Variants in CCL28 observed in about 807,000 individuals in gnomAD.
The protein encoded by CCL28 is C-C motif chemokine 28.
In CCL28, 4 loss-of-function variants were observed where a neutral mutation model predicts 7.1. The observed-to-expected ratio is 0.56, with a 90% CI of 0.28 to 1.29. CCL28 has a LOEUF of 1.29. CCL28 is among the 50% of genes most tolerant of loss of function. CCL28 has a pLI of 0.11. For synonymous variants in CCL28, 55 were observed against 57.8 expected, an observed-to-expected ratio of 0.95 and a Z score of 0.22; for missense variants, 151 against 163.4, an observed-to-expected ratio of 0.92 and a Z score of 0.41.
At chr5:43,406,545 G>T (rs993893971) in intron 1 of CCL28, among the ~76,000 whole-genome samples, 8 of 152,086 alleles carry the variant, frequency 5.3e-5, no homozygotes, top group Non-Finnish European at 8.8e-5. Context: ...AATATCATAC[G>T]GAATGGGCAA....
chr5:43,363,874 C>A, the CCL28 span, among the ~76,000 whole-genome samples: 5 of 152,154 alleles, frequency 3.3e-5, no homozygotes, highest in Non-Finnish European at 7.3e-5. Flanking sequence ...CTTATGGCAA[C>A]CTTTGGGTTT....
intron 1 of CCL28, 117 bp downstream of exon 1, chr5:43,412,136 T>C: frequency 1.5e-6 from 1 of 666,236 alleles, no homozygotes; most frequent in Non-Finnish European, 2.4e-6. Flanking sequence ...CAGAAATCAA[T>C]TGGAAATTCC....
intron 1 of CCL28, 100 bp from the exon 2 acceptor site, chr5:43,388,576 C>G: frequency 8.3e-7 from 1 of 1,198,748 alleles, no homozygotes; most frequent in Non-Finnish European, 1.2e-6. Context: ...TTAATCCACA[C>G]AAACAAGGGG....
Position 43,381,742 on chromosome 5 carries a change from A to G in CCL28, c.*118T>C, listed in dbSNP as rs1740123909. On this transcript the variant is annotated 3_prime_UTR_variant, in exon 3 of 3. Coordinates refer to ENST00000361115, the MANE Select transcript of CCL28 (RefSeq NM_148672.3). ...CCGCACAATTGTTCATTTTTTAAAA[A>G]CCAATATTTTGTTTTGTTCTGTTGT... The G allele has an allele frequency of 3.5e-6, 3 of 849,322 alleles. No homozygotes were observed. The highest frequency in any genetic ancestry group is 3.7e-5 in the South Asian group (2 of 54,490). 52.6% of individuals were successfully genotyped at this position (849,322 alleles called of 1,614,324 possible).
At position 43,380,374 on chromosome 5, in the gene CCL28, A is replaced by T. The variant is rs1300799003; in HGVS notation, c.*1486T>A. Reference sequence around the variant, plus strand: ...GTAGCTACTCAAACTAGACGTTTTGAAGTTATATTTAGTTTAAACTATTCT... The same window carrying T: ...GTAGCTACTCAAACTAGACGTTTTGTAGTTATATTTAGTTTAAACTATTCT... On this transcript the variant is annotated 3_prime_UTR_variant, in exon 3 of 3. Transcript: ENST00000361115. 2 of 152,208 alleles carry T rather than the reference A, an allele frequency of 1.3e-5. No individual in the cohort carries two copies. Among genetic ancestry groups the T allele is most frequent in the East Asian group, 1.9e-4 (1 of 5,206 alleles). 9.4% of individuals were successfully genotyped at this position (152,208 alleles called of 1,614,324 possible).
At chr5:43,365,904 G>A in the CCL28 span, among the ~76,000 whole-genome samples, 94,900 of 151,976 alleles carry the variant, frequency 0.62, 31,829 homozygotes, top group African/African-American at 0.87. Context: ...TTATTTCATT[G>A]AGTTGATCTT....
At chr5:43,359,415 C>G in the CCL28 span, among the ~76,000 whole-genome samples, 1 of 152,182 alleles carries the variant, frequency 6.6e-6, no homozygotes. Context: ...AGGAACATAT[C>G]CTTAAGGCAC....
intron 1 of CCL28, among the ~76,000 whole-genome samples, chr5:43,409,610 G>A (rs1219350471): frequency 1.3e-5 from 2 of 151,988 alleles, no homozygotes; most frequent in African/African-American, 4.8e-5. Context: ...AAAGGTAAAC[G>A]TTTTAGGATG....
At chr5:43,385,566 C>G (rs1400373371) in intron 2 of CCL28, among the ~76,000 whole-genome samples, 1 of 152,116 alleles carries the variant, frequency 6.6e-6, no homozygotes, top group East Asian at 1.9e-4. Flanking sequence ...CTAAACTAAT[C>G]TGAAAACAAG....
At chr5:43,362,383 T>G in the CCL28 span, among the ~76,000 whole-genome samples, 1 of 152,194 alleles carries the variant, frequency 6.6e-6, no homozygotes, top group Non-Finnish European at 1.5e-5. Flanking sequence ...AAGAAGCTTT[T>G]GGGCCAAGAC....
At chr5:43,386,419 A>G (rs1309016680) in intron 2 of CCL28, among the ~76,000 whole-genome samples, 3 of 152,166 alleles carry the variant, frequency 2.0e-5, no homozygotes, top group Non-Finnish European at 2.9e-5. Flanking sequence ...CTGGTTCCCA[A>G]TGACTAAACC....
the CCL28 span, among the ~76,000 whole-genome samples, chr5:43,370,187 T>C: frequency 6.6e-6 from 1 of 152,184 alleles, no homozygotes. Context: ...TTTTGAGAAA[T>C]AATAAATTAC....
chr5:43,391,323 T>G (rs983695893), intron 1 of CCL28, among the ~76,000 whole-genome samples: 1 of 152,186 alleles, frequency 6.6e-6, no homozygotes, highest in Non-Finnish European at 1.5e-5. Flanking sequence ...GAATATAGAA[T>G]TTATGAATGT....
downstream of CCL28, among the ~76,000 whole-genome samples, chr5:43,375,672 G>A (rs771268340): frequency 2.6e-5 from 4 of 152,112 alleles, no homozygotes; most frequent in Non-Finnish European, 5.9e-5. Context: ...TCAAGTGACT[G>A]ATAAAGGCAA....
the CCL28 span, among the ~76,000 whole-genome samples, chr5:43,370,586 C>A: frequency 6.6e-6 from 1 of 152,174 alleles, no homozygotes. Context: ...GATCTCCCTT[C>A]TCCTTCTGAG....
chr5:43,373,251 C>G (rs1347383128), downstream of CCL28, among the ~76,000 whole-genome samples: 1 of 152,186 alleles, frequency 6.6e-6, no homozygotes, highest in Non-Finnish European at 1.5e-5. Context: ...TGCACCTCCT[C>G]TCACACACAT....
the CCL28 span, among the ~76,000 whole-genome samples, chr5:43,368,507 T>C: frequency 1.3e-5 from 2 of 152,244 alleles, no homozygotes; most frequent in Non-Finnish European, 1.5e-5. Flanking sequence ...TCATGTACTT[T>C]AAAGAAAACA....
chr5:43,366,320 T>C, the CCL28 span, among the ~76,000 whole-genome samples: 6 of 152,366 alleles, frequency 3.9e-5, no homozygotes, highest in South Asian at 1.0e-3. Flanking sequence ...CTTTGGTCTT[T>C]GATGTTGGTG....
chr5:43,408,872 T>C (rs1741415955), intron 1 of CCL28, among the ~76,000 whole-genome samples: 1 of 150,054 alleles, frequency 6.7e-6, no homozygotes, highest in Non-Finnish European at 1.5e-5. Context: ...TTGGTAATTT[T>C]ATTTTTTTGG....
Sources: gnomAD v4.1 joint callset for allele counts (sites outside exome capture counted in the v4.1 genomes callset) on GRCh38, gnomAD v4.1.1 for gene constraint, MANE v1.5 for transcripts, NCBI Gene and HGNC (gene_info 2026-07-23, HGNC 2026-07-21) for gene names.